The following PRKCQ variants were observed in gnomAD, a reference collection of about 807,000 sequenced individuals.
PRKCQ encodes the protein protein kinase C theta type.
A neutral mutation model predicts 91.2 loss-of-function variants in PRKCQ; 41 were observed. The observed-to-expected ratio is 0.45, with a 90% CI of 0.35 to 0.58. The LOEUF (loss-of-function observed/expected upper bound fraction) is 0.58, where lower values mean the gene tolerates loss of function less well. Ranked by LOEUF, PRKCQ falls within the 20% of genes least tolerant of loss-of-function variation. PRKCQ has a pLI of 0.00. For missense variants in PRKCQ, 673 were observed against 896.5 expected (o/e 0.75, Z 3.18); for synonymous variants, 307 against 316.9 (o/e 0.97, Z 0.33).
chr10:6,442,303 A>G (rs892945895), intron 15 of PRKCQ, among the ~76,000 whole-genome samples: 1 of 152,208 alleles, frequency 6.6e-6, no homozygotes, highest in Non-Finnish European at 1.5e-5. Context: ...TTCAGTTTCA[A>G]TTTGTACTTT....
chr10:6,489,554 A>G (rs768132895), intron 8 of PRKCQ: 2 of 477,094 alleles, frequency 4.2e-6, no homozygotes, highest in Middle Eastern at 3.4e-4. Flanking sequence ...AAAGGGAGGC[A>G]GAGAGGGAGG....
intron 7 of PRKCQ, among the ~76,000 whole-genome samples, chr10:6,496,825 C>A (rs1205084800): frequency 6.6e-6 from 1 of 152,126 alleles, no homozygotes; most frequent in Non-Finnish European, 1.5e-5. Flanking sequence ...CAGGCTTATG[C>A]CACCAGGCCT....
chr10:6,520,788 G>A (rs780449812), intron 1 of PRKCQ, among the ~76,000 whole-genome samples: 1 of 152,180 alleles, frequency 6.6e-6, no homozygotes. Context: ...TCCGAGTGGG[G>A]TTGATCCTGT....
chr10:6,507,606 C>A, intron 3 of PRKCQ, 110 bp from the exon 4 acceptor site: 1 of 913,572 alleles, frequency 1.1e-6, no homozygotes, highest in African/African-American at 1.6e-5. Context: ...AGAATACAAT[C>A]ATTGTTACTC....
At chr10:6,433,726 T>C (rs1025217668) in intron 16 of PRKCQ, among the ~76,000 whole-genome samples, 2 of 152,058 alleles carry the variant, frequency 1.3e-5, no homozygotes, top group African/African-American at 4.8e-5. Flanking sequence ...ATGGAGCTGA[T>C]TGATGTTTTA....
At chr10:6,413,244 G>GC in the PRKCQ span, among the ~76,000 whole-genome samples, 3 of 152,298 alleles carry the variant, frequency 2.0e-5, no homozygotes, top group East Asian at 1.9e-4. Flanking sequence ...GAGCCACTCT[G>GC]CCCGGCCTTA....
chr10:6,445,992 G>C (rs950862870), intron 15 of PRKCQ, among the ~76,000 whole-genome samples: 2 of 152,206 alleles, frequency 1.3e-5, no homozygotes, highest in Admixed American at 6.5e-5. Context: ...GCAAATTAAG[G>C]CTTCAAAGCT....
At chr10:6,425,092 T>G (rs943924437), downstream of PRKCQ, among the ~76,000 whole-genome samples, 1 of 152,188 alleles carries the variant, frequency 6.6e-6, no homozygotes, top group East Asian at 1.9e-4. Flanking sequence ...AGATGCTGAT[T>G]GGTGGATGTC....
intron 14 of PRKCQ, 30 bp from the exon 15 acceptor site, chr10:6,456,842 A>G: frequency 6.2e-7 from 1 of 1,610,454 alleles, no homozygotes; most frequent in Non-Finnish European, 8.5e-7. Flanking sequence ...CAAATCTCAC[A>G]TTAATCAATA....
At chr10:6,499,890 C>A (rs1016542544) in intron 4 of PRKCQ, among the ~76,000 whole-genome samples, 4 of 152,176 alleles carry the variant, frequency 2.6e-5, no homozygotes, top group African/African-American at 9.7e-5. Context: ...TGGGTAGAAA[C>A]CTCCCCCAGG....
intron 12 of PRKCQ, among the ~76,000 whole-genome samples, chr10:6,473,365 T>C (rs538928724): frequency 2.6e-5 from 4 of 152,372 alleles, no homozygotes; most frequent in African/African-American, 9.6e-5. Flanking sequence ...CTGGCCTTTT[T>C]GATTATTTCA....
At chr10:6,516,154 T>C (rs1008678670) in intron 1 of PRKCQ, among the ~76,000 whole-genome samples, 2 of 152,186 alleles carry the variant, frequency 1.3e-5, no homozygotes, top group African/African-American at 4.8e-5. Context: ...AGAAAACTAT[T>C]TGAAATAATA....
intron 2 of PRKCQ, 62 bp downstream of exon 2, chr10:6,514,956 T>C (rs1035459934): frequency 1.2e-6 from 2 of 1,608,406 alleles, no homozygotes; most frequent in African/African-American, 1.3e-5. Flanking sequence ...CCTTGCTTCA[T>C]ACACAGTTCA....
chr10:6,511,145 CCAGGGTG>C lies in PRKCQ; in HGVS notation c.161_167del (p.Pro54ArgfsTer19). 1 of 1,614,006 alleles carries C rather than the reference CCAGGGTG, an allele frequency of 6.2e-7. No homozygotes were observed. The highest frequency in any genetic ancestry group is 1.1e-5 in the South Asian group (1 of 91,064). ...TGATATGGGCATCAAAAGTGCTGTC[CCAGGGTG>C]GGTACATGGTAGGCTTTTTCTGGAT... On this transcript the variant is annotated frameshift_variant, in exon 3 of 18. Coordinates refer to ENST00000263125, the MANE Select transcript of PRKCQ (RefSeq NM_006257.5). LOFTEE classifies it high-confidence loss of function.
chr10:6,462,221 C>T (rs781445198), intron 14 of PRKCQ, 82 bp downstream of exon 14: 33 of 1,311,106 alleles, frequency 2.5e-5, no homozygotes, highest in Non-Finnish European at 3.4e-5. Context: ...TGGGCTGTCT[C>T]ACAGCACTCG....
At chr10:6,426,832 G>GTCTT (rs781285308), downstream of PRKCQ, among the ~76,000 whole-genome samples, 1 of 152,136 alleles carries the variant, frequency 6.6e-6, no homozygotes, top group South Asian at 2.1e-4. Context: ...CTCACCCTTT[G>GTCTT]TCTTACTCTA....
At chr10:6,401,933 G>C in the PRKCQ span, among the ~76,000 whole-genome samples, 1 of 152,282 alleles carries the variant, frequency 6.6e-6, no homozygotes, top group East Asian at 1.9e-4. Flanking sequence ...CTCAGCTCAG[G>C]TCTGAGGCAG....
At chr10:6,515,450 G>A (rs1838713678) in intron 1 of PRKCQ, 1 of 985,382 alleles carries the variant, frequency 1.0e-6, no homozygotes, top group Non-Finnish European at 1.2e-6. Flanking sequence ...GTTGGAGAGT[G>A]AGGCAAAAGT....
At chr10:6,495,499 G>C (rs756107693) in intron 7 of PRKCQ, among the ~76,000 whole-genome samples, 5 of 152,202 alleles carry the variant, frequency 3.3e-5, no homozygotes, top group Non-Finnish European at 7.3e-5. Flanking sequence ...CTCCGTTGGG[G>C]AGATTCCCGG....
Sources: allele counts gnomAD v4.1 joint callset (sites outside exome capture counted in the v4.1 genomes callset), GRCh38; gene constraint gnomAD v4.1.1; transcripts MANE v1.5; gene names NCBI Gene and HGNC (gene_info 2026-07-23, HGNC 2026-07-21).